The following CLOCK variants were observed in gnomAD, a reference collection of about 807,000 sequenced individuals.
CLOCK encodes the protein circadian locomoter output cycles protein kaput.
A neutral mutation model predicts 118.4 loss-of-function variants in CLOCK; 43 were observed. That is an observed-to-expected ratio of 0.36 (90% CI 0.28 to 0.47). CLOCK has a LOEUF of 0.47. CLOCK is among the 20% of genes least tolerant of loss of function. CLOCK has a pLI of 1.00. For missense variants in CLOCK, 846 were observed against 999.9 expected, an observed-to-expected ratio of 0.85 and a Z score of 2.08; for synonymous variants, 326 against 339.2, an observed-to-expected ratio of 0.96 and a Z score of 0.43.
At position 55,433,631 on chromosome 4, in the gene CLOCK, C is replaced by G. The variant is rs963362674; in HGVS notation, c.*1784G>C. 1 of 152,172 alleles carries G rather than the reference C, an allele frequency of 6.6e-6. No homozygotes were observed. Among genetic ancestry groups the G allele is most frequent in the African/African-American group, 2.4e-5 (1 of 41,440 alleles). The allele number at this position is 152,172 out of a possible 1,614,324, so 9.4% of individuals were successfully genotyped here. On this transcript the variant is annotated 3_prime_UTR_variant, in exon 23 of 23. Coordinates refer to ENST00000513440, the MANE Select transcript of CLOCK (RefSeq NM_004898.4). ...GATTTATTACACTTGTCCTCTCCTC[C>G]CTTTCCTCAGTAATAACATTTTTTA... is the stretch of plus-strand genomic sequence containing the variant.
chr4:55,512,693 T>C (rs1408219699), intron 1 of CLOCK, among the ~76,000 whole-genome samples: 2 of 152,214 alleles, frequency 1.3e-5, no homozygotes, highest in Non-Finnish European at 2.9e-5. Flanking sequence ...TTTTATACTT[T>C]TACAATTTAC....
At chr4:55,461,053 AG>A (rs1248100718) in intron 9 of CLOCK, among the ~76,000 whole-genome samples, 2 of 151,762 alleles carry the variant, frequency 1.3e-5, no homozygotes, top group Non-Finnish European at 2.9e-5. Context: ...CTCGAGTAGC[AG>A]GAACTACAGA....
chr4:55,448,601 CGTGTGTGTGTGTGTGTGTGTGTGTGT>C (rs3034980), intron 18 of CLOCK, among the ~76,000 whole-genome samples, 152 bp downstream of exon 18: 4 of 116,980 alleles, frequency 3.4e-5, no homozygotes, highest in Admixed American at 8.6e-5. Flanking sequence ...CGCACGCGCG[CGTGTGTGTGTGTGTGTGTGTGTGTGT>C]GTGTGTGTGT....
intron 1 of CLOCK, among the ~76,000 whole-genome samples, chr4:55,524,242 C>T (rs1012339984): frequency 6.6e-6 from 1 of 150,586 alleles, no homozygotes; most frequent in Non-Finnish European, 1.5e-5. Flanking sequence ...TACACACACA[C>T]ACAAAAAAAA....
At chr4:55,532,356 A>G (rs540406307) in intron 1 of CLOCK, among the ~76,000 whole-genome samples, 1 of 152,266 alleles carries the variant, frequency 6.6e-6, no homozygotes, top group South Asian at 2.1e-4. Flanking sequence ...AGGCACTCAA[A>G]TAAGAAAGAA....
intron 18 of CLOCK, among the ~76,000 whole-genome samples, chr4:55,446,748 T>C (rs886318070): frequency 9.2e-5 from 14 of 152,212 alleles, no homozygotes; most frequent in Admixed American, 3.3e-4. Flanking sequence ...CTTTAATTAT[T>C]CCCATGAATT....
chr4:55,471,858 A>G (rs1726161783), intron 7 of CLOCK, among the ~76,000 whole-genome samples: 1 of 152,192 alleles, frequency 6.6e-6, no homozygotes, highest in South Asian at 2.1e-4. Context: ...AGATCACTTG[A>G]ACCCAGGAGT....
Position 55,523,894 on chromosome 4 carries a change from A to G in CLOCK, c.-289-13829T>C, listed in dbSNP as rs530632422. Among the ~76,000 whole-genome samples the G allele has an allele frequency of 2.0e-5, 3 of 152,282 alleles. No homozygotes were observed. The East Asian group carries it at 5.8e-4, about 29-fold the overall frequency. On this transcript the variant is annotated intron_variant, in intron 1 of 22. Transcript: ENST00000513440. ...TTTTTTTGCTCCAAAACTGTAAAAC[A>G]TTCTTGTTTTTAAGCATCAATTAAA...
At chr4:55,524,480 A>G (rs1431642411) in intron 1 of CLOCK, among the ~76,000 whole-genome samples, 3 of 152,178 alleles carry the variant, frequency 2.0e-5, no homozygotes, top group Non-Finnish European at 4.4e-5. Context: ...AAGAATAACT[A>G]TATTTATATT....
At chr4:55,510,643 A>AG (rs1729086862) in intron 1 of CLOCK, among the ~76,000 whole-genome samples, 2 of 150,712 alleles carry the variant, frequency 1.3e-5, no homozygotes, top group Non-Finnish European at 3.0e-5. Flanking sequence ...AAAAAAAAAA[A>AG]AAAAAAAAAA....
chr4:55,436,744 TTATAAGATTACA>T (rs1366305378), intron 22 of CLOCK, among the ~76,000 whole-genome samples: 1 of 152,204 alleles, frequency 6.6e-6, no homozygotes, highest in Non-Finnish European at 1.5e-5. Flanking sequence ...CTTATGAGCC[TTATAAGATTACA>T]ACAGGAGCAT....
At chr4:55,473,999 T>G (rs1560442194) in intron 7 of CLOCK, among the ~76,000 whole-genome samples, 1 of 152,140 alleles carries the variant, frequency 6.6e-6, no homozygotes, top group Non-Finnish European at 1.5e-5. Flanking sequence ...CCTTTAAGTA[T>G]TCAAGTGAAA....
Position 55,428,867 on chromosome 4 carries a change from G to C in CLOCK, c.*6548C>G, listed in dbSNP as rs772487233. 21 of 150,864 alleles carry C rather than the reference G, an allele frequency of 1.4e-4. No homozygotes were observed. Among genetic ancestry groups the C allele is most frequent in the Non-Finnish European group, 2.9e-4 (20 of 67,858 alleles). 9.3% of individuals were successfully genotyped at this position (150,864 alleles called of 1,614,324 possible). A position where few individuals can be genotyped will look rare whatever the true frequency, so the allele number is the denominator to read the frequency against. ...CTTTGGGCTTCAATCTTTACATAGA[G>C]TGAATATGAAAATGCCATACTGAGG... is the stretch of plus-strand genomic sequence containing the variant. On this transcript the variant is annotated 3_prime_UTR_variant, in exon 23 of 23. Coordinates refer to ENST00000513440, the MANE Select transcript of CLOCK (RefSeq NM_004898.4).
At chr4:55,484,467 A>C (rs1411585294) in intron 3 of CLOCK, among the ~76,000 whole-genome samples, 1 of 152,220 alleles carries the variant, frequency 6.6e-6, no homozygotes, top group African/African-American at 2.4e-5. Context: ...AGGTAGTATC[A>C]GCAGATGGAA....
chr4:55,546,146 G>A (rs533294603), intron 1 of CLOCK, among the ~76,000 whole-genome samples: 1 of 152,182 alleles, frequency 6.6e-6, no homozygotes, highest in African/African-American at 2.4e-5. Context: ...AATAAAGTGG[G>A]TCACAAGGCC....
intron 1 of CLOCK, among the ~76,000 whole-genome samples, chr4:55,515,836 GT>G (rs1156768328): frequency 6.6e-6 from 1 of 152,024 alleles, no homozygotes; most frequent in Non-Finnish European, 1.5e-5. Flanking sequence ...CATTCCATTT[GT>G]TGCATCCCGC....
intron 8 of CLOCK, among the ~76,000 whole-genome samples, chr4:55,467,055 T>C (rs562581152): frequency 6.6e-6 from 1 of 152,264 alleles, no homozygotes; most frequent in Admixed American, 6.5e-5. Context: ...GAATTCTCTG[T>C]ACTACCTTGT....
intron 2 of CLOCK, among the ~76,000 whole-genome samples, chr4:55,492,103 G>A (rs993795737): frequency 6.6e-6 from 1 of 151,978 alleles, no homozygotes; most frequent in Non-Finnish European, 1.5e-5. Flanking sequence ...AAAAACTATA[G>A]ACCAATATTC....
In CLOCK at chr4:55,432,933, T is replaced by C. The variant is rs1722616029; in HGVS notation, c.*2482A>G. On this transcript the variant is annotated 3_prime_UTR_variant, in exon 23 of 23. Transcript: ENST00000513440. ...ACAGTTTAGACGTTTACCTGGGGCT[T>C]GTCTTATGCTTTGTTGCTGTCAACC... The C allele has an allele frequency of 6.6e-6, 1 of 152,644 alleles. No individual in the cohort carries two copies. The highest frequency in any genetic ancestry group is 1.5e-5 in the Non-Finnish European group (1 of 68,036). 9.5% of individuals were successfully genotyped at this position (152,644 alleles called of 1,614,324 possible). A position where few individuals can be genotyped will look rare whatever the true frequency, so the allele number is the denominator to read the frequency against.
Sources: allele counts gnomAD v4.1 joint callset (sites outside exome capture counted in the v4.1 genomes callset), GRCh38; gene constraint gnomAD v4.1.1; transcripts MANE v1.5; gene names NCBI Gene and HGNC (gene_info 2026-07-23, HGNC 2026-07-21).